The following GRK5 variants were observed in gnomAD, a reference collection of about 807,000 sequenced individuals.
GRK5 encodes g protein-coupled receptor kinase GRK5.
Under a neutral mutation model 78.4 loss-of-function variants are expected in GRK5, and 40 were observed. That is an observed-to-expected ratio of 0.51 (90% confidence interval 0.40 to 0.66). The LOEUF is 0.66. Among genes scored for constraint, GRK5 ranks in the 30% least tolerant of loss-of-function variants. The probability of loss-of-function intolerance (pLI) is 0.00; values close to 1 mark genes in which losing one functional copy is unlikely to be tolerated. For synonymous variants in GRK5, 289 were observed against 296.8 expected (o/e 0.97, Z 0.27); for missense variants, 598 against 759.9 (o/e 0.79, Z 2.50).
At chr10:119,427,273 C>CATCATCAGCATCAACG in intron 6 of GRK5, among the ~76,000 whole-genome samples, 1 of 136,646 alleles carries the variant, frequency 7.3e-6, no homozygotes, top group East Asian at 2.1e-4. Flanking sequence ...CAGCATCAAC[C>CATCATCAGCATCAACG]ACCATCTTCA....
chr10:119,236,279 G>T (rs1388267080), intron 1 of GRK5, among the ~76,000 whole-genome samples: 1 of 151,932 alleles, frequency 6.6e-6, no homozygotes, highest in African/African-American at 2.4e-5. Flanking sequence ...GCAGTGGCGC[G>T]ATCTCGGCTC....
intron 1 of GRK5, among the ~76,000 whole-genome samples, chr10:119,231,004 G>A (rs1848819248): frequency 6.6e-6 from 1 of 151,948 alleles, no homozygotes; most frequent in Admixed American, 6.6e-5. Context: ...AGAGGGAGAG[G>A]GGTGGGTTGG....
Position 119,275,613 on chromosome 10 carries a change from G to GTGCACA in GRK5, c.53-50903_53-50902insTGCACA, listed in dbSNP as rs1849657674. ...CTCTCTCTCTCTCTCTCTCTCTCTC[G>GTGCACA]CACACACACACACACACACACACAC... On this transcript the variant is annotated intron_variant, in intron 1 of 15. Transcript: ENST00000392870. Among the ~76,000 whole-genome samples, 3 of 120,678 alleles carry GTGCACA rather than the reference G, an allele frequency of 2.5e-5. 1 individual carries two copies. The highest frequency in any genetic ancestry group is 3.7e-5 in the Non-Finnish European group (2 of 54,636). 79.2% of individuals were successfully genotyped at this position (120,678 alleles called of 152,430 possible).
At chr10:119,395,852 G>T (rs10886473) in intron 3 of GRK5, among the ~76,000 whole-genome samples, 123,771 of 152,028 alleles carry the variant, frequency 0.81, 50,646 homozygotes, top group South Asian at 0.86. Context: ...ACCTCCCGCT[G>T]CATGACCCTA....
Position 119,430,583 on chromosome 10 carries a change from GGA to G in GRK5, c.597+151_597+152del. 1 of 658,540 alleles carries G rather than the reference GGA, an allele frequency of 1.5e-6. No homozygotes were observed. The highest frequency in any genetic ancestry group is 1.9e-5 in the South Asian group (1 of 53,670). The allele number at this position is 658,540 out of a possible 1,614,324, so 40.8% of individuals were successfully genotyped here. On this transcript the variant is annotated intron_variant, in intron 7 of 15. Coordinates refer to ENST00000392870, the MANE Select transcript of GRK5 (RefSeq NM_005308.3). This position sits in a 1 kb window ranked among gnomAD's most constrained non-coding sequence, Gnocchi z 4.5. ...GTGGGCCCCGGGGGCAGTGAGGGTGGGAGAGAGTCAGTGGCCTTGGGGCTATC... is the reference window on the plus strand; with the variant it reads ...GTGGGCCCCGGGGGCAGTGAGGGTGGGAGAGTCAGTGGCCTTGGGGCTATC...
intron 8 of GRK5, among the ~76,000 whole-genome samples, chr10:119,434,586 G>A (rs559409909): frequency 4.3e-4 from 66 of 152,358 alleles, no homozygotes; most frequent in African/African-American, 1.5e-3. Context: ...AGATCATGCC[G>A]ATGCCAAGAC....
intron 2 of GRK5, among the ~76,000 whole-genome samples, chr10:119,358,116 T>C (rs547513527): frequency 6.6e-6 from 1 of 152,046 alleles, no homozygotes; most frequent in African/African-American, 2.4e-5. Flanking sequence ...CATTGTGCAG[T>C]GGGGAGGGAG....
rs1434127878 is a variant in GRK5, at chr10:119,264,201, C to T, written c.52+56232C>T. Among the ~76,000 whole-genome samples the T allele has an allele frequency of 6.6e-6, 1 of 152,188 alleles. No individual in the cohort carries two copies. The highest frequency in any genetic ancestry group is 1.5e-5 in the Non-Finnish European group (1 of 68,044). ...AACTTGTTTCTGTGTAATTTTGCAG[C>T]CTGGTTCTGCTCAGTTCCAGCAAGG... On this transcript the variant is annotated intron_variant, in intron 1 of 15. Transcript: ENST00000392870. This position sits in a 1 kb window ranked among gnomAD's most constrained non-coding sequence, Gnocchi z 4.1.
At chr10:119,436,505 G>T in intron 8 of GRK5, 146 bp from the exon 9 acceptor site, 2 of 735,832 alleles carry the variant, frequency 2.7e-6, no homozygotes, top group South Asian at 3.6e-5. Context: ...CGCAGGCAGG[G>T]TCACCGCAGA....
At chr10:119,240,321 C>T (rs1217128724) in intron 1 of GRK5, among the ~76,000 whole-genome samples, 1 of 151,420 alleles carries the variant, frequency 6.6e-6, no homozygotes, top group Admixed American at 6.6e-5. Context: ...CTGCCTCAGC[C>T]TCCTGAGTAG....
intron 1 of GRK5, among the ~76,000 whole-genome samples, chr10:119,214,942 C>T (rs115734004): frequency 3.0e-3 from 462 of 152,358 alleles, no homozygotes; most frequent in African/African-American, 0.011. Context: ...TGGCGCCTTC[C>T]AGGCAGAGCA....
At chr10:119,428,583 GC>G (rs1852749398) in intron 6 of GRK5, among the ~76,000 whole-genome samples, 1 of 152,076 alleles carries the variant, frequency 6.6e-6, no homozygotes, top group African/African-American at 2.4e-5. Flanking sequence ...GAACCCAGAG[GC>G]CCCCTCCCAA....
At chr10:119,323,984 C>T (rs1171842323) in intron 1 of GRK5, among the ~76,000 whole-genome samples, 1 of 152,174 alleles carries the variant, frequency 6.6e-6, no homozygotes, top group African/African-American at 2.4e-5. Flanking sequence ...ACAAACAAGC[C>T]ACCTAAGGGT....
intron 1 of GRK5, among the ~76,000 whole-genome samples, chr10:119,209,642 G>T (rs1848453483): frequency 6.6e-6 from 1 of 151,828 alleles, no homozygotes; most frequent in Non-Finnish European, 1.5e-5. Context: ...CCCTCTTTCA[G>T]CCTTTGCAGC....
At chr10:119,261,605 C>T (rs1352142821) in intron 1 of GRK5, among the ~76,000 whole-genome samples, 3 of 152,336 alleles carry the variant, frequency 2.0e-5, no homozygotes, top group Non-Finnish European at 2.9e-5. Flanking sequence ...CCAGCCTGGG[C>T]GCCATTGAGC....
chr10:119,347,960 T>C (rs1851126098), intron 2 of GRK5, among the ~76,000 whole-genome samples: 4 of 152,186 alleles, frequency 2.6e-5, no homozygotes, highest in Admixed American at 1.3e-4. Context: ...CAACCTTTCC[T>C]TCTCCACAAA....
chr10:119,291,176 C>T (rs1849947702), intron 1 of GRK5, among the ~76,000 whole-genome samples: 1 of 152,160 alleles, frequency 6.6e-6, no homozygotes, highest in Non-Finnish European at 1.5e-5. Flanking sequence ...GTACATTTTT[C>T]TCCATGATCT....
At chr10:119,277,487 C>G (rs917078454) in intron 1 of GRK5, among the ~76,000 whole-genome samples, 2 of 152,190 alleles carry the variant, frequency 1.3e-5, no homozygotes, top group African/African-American at 2.4e-5. Flanking sequence ...CTCTTCTGCT[C>G]TCTGCGACAC....
At chr10:119,393,186 C>T (rs1266032553) in intron 3 of GRK5, among the ~76,000 whole-genome samples, 3 of 152,174 alleles carry the variant, frequency 2.0e-5, no homozygotes, top group African/African-American at 7.2e-5. Context: ...GCCTTCCATC[C>T]GTTTTCCACC....
Sources: allele counts gnomAD v4.1 joint callset (sites outside exome capture counted in the v4.1 genomes callset), GRCh38; gene constraint gnomAD v4.1.1; non-coding constraint Gnocchi (gnomAD v3.1); transcripts MANE v1.5; gene names NCBI Gene and HGNC (gene_info 2026-07-23, HGNC 2026-07-21).